CDH13: variants seen among roughly 807,000 people sequenced by gnomAD.
CDH13 encodes cadherin 13, also known as cadherin-13.
CDH13 carries 24 observed loss-of-function variants against 63.8 expected under a neutral mutation model. That is an observed-to-expected ratio of 0.38 (90% CI 0.27 to 0.53). The LOEUF is 0.53. CDH13 is among the 20% of genes least tolerant of loss of function. CDH13 has a pLI of 0.85. For missense variants in CDH13, 1,049 were observed against 903.1 expected (o/e 1.16, Z -2.07); for synonymous variants, 503 against 355.3 (o/e 1.42, Z -4.67).
chr16:82,648,664 G>A (rs1303467902), intron 1 of CDH13, among the ~76,000 whole-genome samples: 2 of 152,168 alleles, frequency 1.3e-5, no homozygotes, highest in Non-Finnish European at 2.9e-5. Flanking sequence ...TTCATGCGTT[G>A]GGATTCAGAG....
At chr16:83,001,230 A>C (rs1380652949) in intron 2 of CDH13, among the ~76,000 whole-genome samples, 1 of 152,244 alleles carries the variant, frequency 6.6e-6, no homozygotes, top group African/African-American at 2.4e-5. Context: ...CAAGTAACTT[A>C]CGTTTGCTTC....
At chr16:83,096,119 T>C (rs1422861653) in intron 3 of CDH13, among the ~76,000 whole-genome samples, 3 of 152,164 alleles carry the variant, frequency 2.0e-5, no homozygotes, top group Non-Finnish European at 4.4e-5. Flanking sequence ...GGTGGAAATA[T>C]GTGGAGTTAC....
chr16:83,565,470 A>G (rs1904274953), intron 7 of CDH13, among the ~76,000 whole-genome samples: 1 of 148,258 alleles, frequency 6.7e-6, no homozygotes, highest in Non-Finnish European at 1.5e-5. Flanking sequence ...TCTTTGTCAC[A>G]AATGATTCCA....
At position 83,123,443 on chromosome 16, in the gene CDH13, C is replaced by G. The variant is rs557732266; in HGVS notation, c.367-1942C>G. 3.0e-4 allele frequency among the ~76,000 whole-genome samples: 45 copies of G among 152,110 alleles called. 1 individual carries two copies. The East Asian group carries it at 7.6e-3, about 26-fold the overall frequency. On this transcript the variant is annotated intron_variant, in intron 3 of 13. Transcript: ENST00000567109. ...TACAGGCATGCACCACCATGCCCGG[C>G]TAATTTTGTATTTTTAGTAGAGACG... is the stretch of plus-strand genomic sequence containing the variant.
chr16:82,991,754 T>C (rs1403523181), intron 2 of CDH13, among the ~76,000 whole-genome samples: 1 of 152,176 alleles, frequency 6.6e-6, no homozygotes, highest in Admixed American at 6.5e-5. Flanking sequence ...AACGATTGTG[T>C]CTATAAACTG....
chr16:82,734,308 C>T (rs1597434495), intron 1 of CDH13, among the ~76,000 whole-genome samples: 1 of 152,076 alleles, frequency 6.6e-6, no homozygotes, highest in African/African-American at 2.4e-5. Context: ...TAAATGTTTA[C>T]TATTTGGCCT....
intron 6 of CDH13, among the ~76,000 whole-genome samples, chr16:83,405,032 G>C (rs2092021249): frequency 6.6e-6 from 1 of 152,004 alleles, no homozygotes; most frequent in South Asian, 2.1e-4. Context: ...CAAAATAAAA[G>C]TAGAAGATGC....
At chr16:82,775,926 C>T (rs1381364738) in intron 1 of CDH13, among the ~76,000 whole-genome samples, 1 of 152,150 alleles carries the variant, frequency 6.6e-6, no homozygotes, top group Non-Finnish European at 1.5e-5. Context: ...AGGGCACTAT[C>T]AGGCTGCATG....
intron 1 of CDH13, among the ~76,000 whole-genome samples, chr16:82,652,863 A>T (rs1457693890): frequency 6.6e-6 from 1 of 152,202 alleles, no homozygotes; most frequent in Non-Finnish European, 1.5e-5. Context: ...GGCACATTTA[A>T]CAAAGACCAG....
At chr16:83,139,142 C>T (rs1038583458) in intron 4 of CDH13, among the ~76,000 whole-genome samples, 1 of 152,260 alleles carries the variant, frequency 6.6e-6, no homozygotes, top group South Asian at 2.1e-4. Context: ...GGTGACAGAT[C>T]CACCTGCGTG....
At position 83,113,739 on chromosome 16, in the gene CDH13, G is replaced by C. The variant is rs1404637320; in HGVS notation, c.367-11646G>C. The stretch of plus-strand genomic sequence containing the variant: ...GGTGGGGGGTTAACCAGGCACAAGA[G>C]GGGAGGGACGGGAAGGGAAGTCACA... On this transcript the variant is annotated intron_variant, in intron 3 of 13. Transcript: ENST00000567109. 4.6e-5 allele frequency among the ~76,000 whole-genome samples: 7 copies of C among 152,286 alleles called. No individual in the cohort carries two copies. The South Asian group carries it at 1.2e-3, about 27-fold the overall frequency.
At chr16:82,969,979 G>T (rs1044486759) in intron 2 of CDH13, among the ~76,000 whole-genome samples, 4 of 151,490 alleles carry the variant, frequency 2.6e-5, no homozygotes, top group Non-Finnish European at 5.9e-5. Flanking sequence ...GGGTACGTGT[G>T]CAGAACTTGT....
intron 2 of CDH13, among the ~76,000 whole-genome samples, chr16:83,013,345 G>A (rs1359995335): frequency 6.6e-6 from 1 of 152,156 alleles, no homozygotes; most frequent in East Asian, 1.9e-4. Context: ...TCACAACTTT[G>A]TGTCATCCTA....
rs115735524 is a variant in CDH13, at chr16:83,096,175, G to A, written c.367-29210G>A. On this transcript the variant is annotated intron_variant, in intron 3 of 13. Coordinates refer to ENST00000567109, the MANE Select transcript of CDH13 (RefSeq NM_001257.5). ...ATTAGCCTGTACCAGCTATCATTGCGTACCAGGCTATGTGTGGACTTTGTC... is the reference window on the plus strand; with the variant it reads ...ATTAGCCTGTACCAGCTATCATTGCATACCAGGCTATGTGTGGACTTTGTC... 5.2e-3 allele frequency among the ~76,000 whole-genome samples: 796 copies of A among 152,326 alleles called. 4 individuals carry two copies. The highest frequency in any genetic ancestry group is 0.018 in the African/African-American group (765 of 41,582).
At chr16:83,259,278 G>T (rs1224483265) in intron 5 of CDH13, among the ~76,000 whole-genome samples, 1 of 152,128 alleles carries the variant, frequency 6.6e-6, no homozygotes, top group East Asian at 1.9e-4. Flanking sequence ...TGGTATCCAC[G>T]TCATTGAATG....
intron 6 of CDH13, among the ~76,000 whole-genome samples, chr16:83,406,210 A>G (rs2092042175): frequency 6.6e-6 from 1 of 152,200 alleles, no homozygotes; most frequent in Non-Finnish European, 1.5e-5. Flanking sequence ...CCCCAGTAGG[A>G]CTGAGCTGCG....
intron 6 of CDH13, among the ~76,000 whole-genome samples, chr16:83,352,192 G>A (rs2090966051): frequency 6.9e-6 from 1 of 145,832 alleles, no homozygotes; most frequent in South Asian, 2.2e-4. Context: ...CGCCTAAAAT[G>A]TGTTTAGGTG....
At chr16:83,151,380 C>G (rs1211618854) in intron 4 of CDH13, among the ~76,000 whole-genome samples, 1 of 152,188 alleles carries the variant, frequency 6.6e-6, no homozygotes, top group African/African-American at 2.4e-5. Context: ...CCCCTCTTCC[C>G]ATCGTTTCCA....
intron 2 of CDH13, among the ~76,000 whole-genome samples, chr16:83,013,090 C>T (rs1003646516): frequency 2.6e-5 from 4 of 152,158 alleles, no homozygotes; most frequent in African/African-American, 9.7e-5. Context: ...AAAAATATGA[C>T]CTTGGCCTAC....
Sources: allele counts gnomAD v4.1 joint callset (sites outside exome capture counted in the v4.1 genomes callset), GRCh38; gene constraint gnomAD v4.1.1; transcripts MANE v1.5; gene names NCBI Gene and HGNC (gene_info 2026-07-23, HGNC 2026-07-21).